The following DLGAP2 variants were observed in gnomAD, a reference collection of about 807,000 sequenced individuals.
The protein encoded by DLGAP2 is DLG associated protein 2.
A neutral mutation model predicts 100.3 loss-of-function variants in DLGAP2; 26 were observed. The observed-to-expected ratio is 0.26, with a 90% confidence interval of 0.19 to 0.36. The LOEUF is 0.36. Among genes scored for constraint, DLGAP2 ranks in the 10% least tolerant of loss-of-function variants. The probability of loss-of-function intolerance (pLI) is 1.00; values close to 1 mark genes in which losing one functional copy is unlikely to be tolerated. For synonymous variants in DLGAP2, 886 were observed against 630.1 expected (o/e 1.41, Z -6.08); for missense variants, 1,858 against 1,453.2 (o/e 1.28, Z -4.53).
chr8:1,604,023 C>T (rs905432928), intron 6 of DLGAP2, among the ~76,000 whole-genome samples: 10 of 152,160 alleles, frequency 6.6e-5, no homozygotes, highest in Non-Finnish European at 8.8e-5. Flanking sequence ...GCTGCGGCCA[C>T]ACATTTCCAT....
At chr8:763,239 C>T (rs545200523) in intron 1 of DLGAP2, among the ~76,000 whole-genome samples, 116 of 152,296 alleles carry the variant, frequency 7.6e-4, no homozygotes, top group Admixed American at 1.7e-3. Context: ...GGGGTTAACC[C>T]GCACTTCCCT....
chr8:1,327,078 C>T (rs1221485105), intron 3 of DLGAP2, among the ~76,000 whole-genome samples: 1 of 152,212 alleles, frequency 6.6e-6, no homozygotes, highest in Non-Finnish European at 1.5e-5. Flanking sequence ...GAGGCAGAGC[C>T]CTGGTTCCAC....
At chr8:1,440,962 G>T (rs1233245505) in intron 3 of DLGAP2, among the ~76,000 whole-genome samples, 1 of 152,198 alleles carries the variant, frequency 6.6e-6, no homozygotes, top group Non-Finnish European at 1.5e-5. Context: ...AAGCACGTAA[G>T]TCTACATGAA....
chr8:1,456,961 A>G (rs1261196868), intron 3 of DLGAP2, among the ~76,000 whole-genome samples: 53 of 152,238 alleles, frequency 3.5e-4, no homozygotes, highest in Admixed American at 3.5e-3. Flanking sequence ...CAGCACACTA[A>G]TGAGCGCTGG....
chr8:1,637,612 A>T (rs1036161716), intron 8 of DLGAP2, among the ~76,000 whole-genome samples: 1 of 152,220 alleles, frequency 6.6e-6, no homozygotes, highest in Non-Finnish European at 1.5e-5. Context: ...GAACTAGAAT[A>T]AAGAACAATC....
At chr8:1,188,660 G>T (rs768660488) in intron 2 of DLGAP2, among the ~76,000 whole-genome samples, 1 of 152,056 alleles carries the variant, frequency 6.6e-6, no homozygotes, top group Non-Finnish European at 1.5e-5. Flanking sequence ...CGACTCATCC[G>T]CCCAGCACTC....
chr8:785,794 CCGGCCTCCCTCCTCCCCT>C (rs1821843106), intron 1 of DLGAP2, among the ~76,000 whole-genome samples: 1 of 52,356 alleles, frequency 1.9e-5, no homozygotes, highest in Non-Finnish European at 4.2e-5. Flanking sequence ...CCCTCTGAGA[CCGGCCTCCCTCCTCCCCT>C]CAGGCTCCTC....
At chr8:1,221,287 G>T (rs762498255) in intron 2 of DLGAP2, among the ~76,000 whole-genome samples, 6 of 152,190 alleles carry the variant, frequency 3.9e-5, no homozygotes, top group Non-Finnish European at 7.3e-5. Context: ...TCGAAGGCAG[G>T]TCTGGTGCTA....
At chr8:835,910 T>C (rs1018266723) in intron 1 of DLGAP2, among the ~76,000 whole-genome samples, 2 of 152,206 alleles carry the variant, frequency 1.3e-5, no homozygotes, top group Non-Finnish European at 2.9e-5. Flanking sequence ...GTAACTGTGA[T>C]GTTTGTGTAT....
intron 13 of DLGAP2, among the ~76,000 whole-genome samples, chr8:1,696,697 G>A (rs1047138668): frequency 3.9e-5 from 6 of 152,174 alleles, no homozygotes; most frequent in Admixed American, 1.3e-4. Flanking sequence ...TGTCATCACC[G>A]TAAGAACGAG....
chr8:1,415,607 C>A (rs1187721645), intron 3 of DLGAP2, among the ~76,000 whole-genome samples: 2 of 152,182 alleles, frequency 1.3e-5, no homozygotes, highest in East Asian at 3.8e-4. Flanking sequence ...ACTAAGGCCC[C>A]CACCTGCATC....
chr8:1,268,256 C>T (rs1799508218), intron 3 of DLGAP2, among the ~76,000 whole-genome samples: 1 of 152,004 alleles, frequency 6.6e-6, no homozygotes, highest in South Asian at 2.1e-4. Context: ...AAACATCAGG[C>T]CGTGGGTTTA....
At chr8:1,021,023 C>G (rs1183849692) in intron 2 of DLGAP2, among the ~76,000 whole-genome samples, 1 of 152,164 alleles carries the variant, frequency 6.6e-6, no homozygotes, top group East Asian at 1.9e-4. Context: ...AATAGTCATT[C>G]CAAAGATTAC....
chr8:1,106,569 G>C (rs187796913), intron 2 of DLGAP2, among the ~76,000 whole-genome samples: 1 of 150,710 alleles, frequency 6.6e-6, no homozygotes, highest in Non-Finnish European at 1.5e-5. Flanking sequence ...TTCTACTGAA[G>C]GGGGCCATTC....
intron 3 of DLGAP2, among the ~76,000 whole-genome samples, chr8:1,460,046 C>T (rs544352317): frequency 6.6e-6 from 1 of 152,156 alleles, no homozygotes; most frequent in Non-Finnish European, 1.5e-5. Context: ...GACAGAGGGA[C>T]CATGAGAACA....
chr8:819,257 A>G (rs1055399430), intron 1 of DLGAP2, among the ~76,000 whole-genome samples: 9 of 152,246 alleles, frequency 5.9e-5, no homozygotes, highest in Non-Finnish European at 2.9e-5. Context: ...TAAGATAAGG[A>G]TATTTAAAAA....
chr8:1,505,065 C>G (rs551192341), intron 4 of DLGAP2, among the ~76,000 whole-genome samples: 1 of 152,182 alleles, frequency 6.6e-6, no homozygotes, highest in East Asian at 1.9e-4. Flanking sequence ...GTTCCCAACA[C>G]TATCATAACA....
At chr8:1,025,309 A>G (rs1255974358) in intron 2 of DLGAP2, among the ~76,000 whole-genome samples, 1 of 152,028 alleles carries the variant, frequency 6.6e-6, no homozygotes, top group Non-Finnish European at 1.5e-5. Context: ...AAACTTCATG[A>G]CGTGTCTGAA....
At chr8:1,310,519 A>C (rs531174557) in intron 3 of DLGAP2, among the ~76,000 whole-genome samples, 1 of 152,346 alleles carries the variant, frequency 6.6e-6, no homozygotes, top group South Asian at 2.1e-4. Flanking sequence ...AGAAGCATCC[A>C]CCTGACAACA....
Sources: allele counts gnomAD v4.1 joint callset (sites outside exome capture counted in the v4.1 genomes callset), GRCh38; gene constraint gnomAD v4.1.1; transcripts MANE v1.5; gene names NCBI Gene and HGNC (gene_info 2026-07-23, HGNC 2026-07-21).